The following NOP56 variants were observed in gnomAD, a reference collection of about 807,000 sequenced individuals.
The protein encoded by NOP56 is NOP56 ribonucleoprotein.
Under a neutral mutation model 58.3 loss-of-function variants are expected in NOP56, and 31 were observed. That is an observed-to-expected ratio of 0.53 (90% CI 0.40 to 0.72). NOP56 has a LOEUF of 0.72. NOP56 is among the 30% of genes least tolerant of loss of function. The probability of loss-of-function intolerance (pLI) is 0.00; values close to 1 mark genes in which losing one functional copy is unlikely to be tolerated. For synonymous variants in NOP56, 313 were observed against 282.8 expected (o/e 1.11, Z -1.07); for missense variants, 669 against 739.9 (o/e 0.90, Z 1.11).
chr20:2,657,019 C>T (rs776700928), intron 10 of NOP56, 62 bp from the exon 11 acceptor site: 1 of 1,613,966 alleles, frequency 6.2e-7, no homozygotes, highest in South Asian at 1.1e-5. Flanking sequence ...CCAATAAAGC[C>T]AGAAAGGAGT....
rs755839527 is a variant in NOP56 at position 2,656,153 on chromosome 20, G to A, written c.1010+119G>A. 1.7e-5 allele frequency: 27 copies of A among 1,609,576 alleles called. No individual in the cohort carries two copies. In the East Asian group the frequency reaches 5.6e-4, roughly 33 times the overall value. Reference sequence around the variant, plus strand: ...ACCTATACAGGCCTCTGCTATGGGGGTGATGGCCAGTCCTGGTGTCTGAGT... The same window carrying A: ...ACCTATACAGGCCTCTGCTATGGGGATGATGGCCAGTCCTGGTGTCTGAGT... On this transcript the variant is annotated intron_variant, in intron 8 of 11. Transcript: ENST00000329276.
Position 2,654,790 on chromosome 20 carries a change from G to T in NOP56, c.412G>T (p.Asp138Tyr). Reference protein sequence around the residue: ...HFHNLVKGLTDLSACKAQLGL... With the variant: ...HFHNLVKGLTYLSACKAQLGL... ...CCACAATCTGGTGAAGGGTCTGACC[G>T]ATCTGTCAGCTTGTAAAGCACAGCT... Residue 138 changes from aspartate (D) to tyrosine (Y), a missense_variant, in exon 5 of 12, where the codon GAT becomes TAT. Coordinates refer to ENST00000329276, the MANE Select transcript of NOP56 (RefSeq NM_006392.4). 6.2e-7 allele frequency: 1 copy of T among 1,614,142 alleles called. No individual in the cohort carries two copies. The highest frequency in any genetic ancestry group is 8.5e-7 in the Non-Finnish European group (1 of 1,180,040).
chr20:2,657,336 G>A (rs1336357749), intron 11 of NOP56, 118 bp downstream of exon 11: 3 of 1,409,386 alleles, frequency 2.1e-6, no homozygotes, highest in Non-Finnish European at 3.0e-6. Flanking sequence ...CTGAAACAAG[G>A]ACCTGAAACA....
chr20:2,654,844 AAAGTT>A lies in NOP56; in HGVS notation c.472_476del (p.Lys158Ter). ...GCTGGGACACAGCTATTCCCGTGCC[AAAGTT>A]AAGTTTAATGTGAACCGGGTGGACA... On this transcript the variant is annotated frameshift_variant, in exon 5 of 12. Transcript: ENST00000329276. LOFTEE classifies it high-confidence loss of function. The A allele has an allele frequency of 6.2e-7, 1 of 1,614,234 alleles. No homozygotes were observed. The highest frequency in any genetic ancestry group is 8.5e-7 in the Non-Finnish European group (1 of 1,180,036).
intron 1 of NOP56, 67 bp from the exon 2 acceptor site, chr20:2,652,775 G>A (rs369912936): frequency 3.8e-5 from 59 of 1,560,840 alleles, no homozygotes; most frequent in Non-Finnish European, 4.9e-5. Flanking sequence ...GCCTGCGCCT[G>A]CCCTGGGAAC....
chr20:2,655,827 A>G (rs774203988), intron 7 of NOP56, 81 bp downstream of exon 7: 22 of 1,610,704 alleles, frequency 1.4e-5, no homozygotes, highest in African/African-American at 4.0e-5. Context: ...GTGACCCACC[A>G]TGTCTTCCCT....
At position 2,654,402 on chromosome 20, in the gene NOP56, CT is replaced by C; in HGVS notation, c.209-9del. On this transcript the variant is annotated splice_polypyrimidine_tract_variant and intron_variant, in intron 3 of 11. Transcript: ENST00000329276. The stretch of plus-strand genomic sequence containing the variant: ...TCAGCCTGTTAGTGGGAACTGTGTT[CT>C]TTCCCCTGAGGGGTTGTTCATGAGG... The C allele has an allele frequency of 6.2e-7, 1 of 1,614,016 alleles. No individual in the cohort carries two copies. Among genetic ancestry groups the C allele is most frequent in the South Asian group, 1.1e-5 (1 of 91,070 alleles).
chr20:2,653,138 G>A (rs759550573), intron 2 of NOP56, 141 bp from the exon 3 acceptor site: 61 of 835,602 alleles, frequency 7.3e-5, no homozygotes, highest in Non-Finnish European at 1.1e-4. Flanking sequence ...CGCCGCCCCC[G>A]AACGATTAAA....
chr20:2,656,557 T>TGG lies in NOP56; in HGVS notation c.1159+14_1159+15dup. The TGG allele has an allele frequency of 6.5e-7, 1 of 1,548,012 alleles. No individual in the cohort carries two copies. Among genetic ancestry groups the TGG allele is most frequent in the Non-Finnish European group, 8.8e-7 (1 of 1,142,552 alleles). On this transcript the variant is annotated intron_variant, in intron 9 of 11. Coordinates refer to ENST00000329276, the MANE Select transcript of NOP56 (RefSeq NM_006392.4). ...GAATCGATTGCTTCTCTGGTATGGG[T>TGG]GGGGGGGCGTTGGCAGGTGTGAGAA...
chr20:2,653,169 C>T (rs545839268), intron 2 of NOP56, 110 bp from the exon 3 acceptor site: 3 of 920,046 alleles, frequency 3.3e-6, no homozygotes, highest in Non-Finnish European at 5.2e-6. Flanking sequence ...GGATGTGGGG[C>T]CCAGGTATCA....
chr20:2,658,136 A>G lies in NOP56; in HGVS notation c.1627A>G (p.Thr543Ala). Residue 543 changes from threonine to alanine, a missense_variant, in exon 12 of 12, where the codon ACA becomes GCA. This residue lies in a region of NOP56 where 209 missense variants were observed against 196.2 expected (regional missense o/e 1.07). Coordinates refer to ENST00000329276, the MANE Select transcript of NOP56 (RefSeq NM_006392.4). ...GAAGAAGTCTACACCCAAGGAGGAA[A>G]CAGTTAATGACCCTGAGGAGGCAGG... is the stretch of plus-strand genomic sequence containing the variant. ...KRKKSTPKEE[T>A]VNDPEEAGHR... 4.3e-6 allele frequency: 7 copies of G among 1,614,048 alleles called. No homozygotes were observed. Among genetic ancestry groups the G allele is most frequent in the Non-Finnish European group, 5.9e-6 (7 of 1,179,952 alleles).
intron 11 of NOP56, chr20:2,657,621 A>G: frequency 2.0e-6 from 1 of 508,130 alleles, no homozygotes; most frequent in Non-Finnish European, 3.5e-6. Context: ...TTCATTTAGC[A>G]CCCAGTTTCT....
rs369864280 is a variant in NOP56 at position 2,657,233 on chromosome 20, C to A, written c.1419+15C>A. The A allele has an allele frequency of 6.2e-7, 1 of 1,614,014 alleles. No homozygotes were observed. The highest frequency in any genetic ancestry group is 8.5e-7 in the Non-Finnish European group (1 of 1,179,950). ...AGGAGTGTGAGGTCAGTAGGCAGCA[C>A]GGCCCTGGCAGAGATCCTAGGTTGT... On this transcript the variant is annotated intron_variant, in intron 11 of 11. Transcript: ENST00000329276.
chr20:2,653,059 T>A, intron 2 of NOP56, 128 bp downstream of exon 2: 1 of 884,238 alleles, frequency 1.1e-6, no homozygotes, highest in Non-Finnish European at 1.7e-6. Context: ...TGGAAAGCTC[T>A]AGATCCGGGG....
rs767528572 is a variant in NOP56 at position 2,658,018 on chromosome 20, C to T, written c.1509C>T (p.Phe503=). The T allele has an allele frequency of 6.8e-6, 11 of 1,613,186 alleles. No individual in the cohort carries two copies. Among genetic ancestry groups the T allele is most frequent in the Non-Finnish European group, 4.2e-6 (5 of 1,179,324 alleles). ...ENGMEDPSIS[F]SKPKKKKSFS... Reference sequence around the variant, plus strand: ...GAATGGAAGACCCATCTATCTCTTTCTCCAAACCCAAGAAAAAGAAATCTT... The same window carrying T: ...GAATGGAAGACCCATCTATCTCTTTTTCCAAACCCAAGAAAAAGAAATCTT... The change falls in exon 12 of 12, where the codon TTC becomes TTT. Residue 503 remains phenylalanine, a synonymous_variant. Coordinates refer to ENST00000329276, the MANE Select transcript of NOP56 (RefSeq NM_006392.4).
At chr20:2,656,956 C>G in intron 10 of NOP56, 61 bp downstream of exon 10, 2 of 1,613,762 alleles carry the variant, frequency 1.2e-6, no homozygotes, top group East Asian at 2.2e-5. Flanking sequence ...GATGAACTGT[C>G]TGAGCCTGAC....
intron 3 of NOP56, among the ~76,000 whole-genome samples, chr20:2,653,974 G>C (rs1423833513): frequency 6.6e-6 from 1 of 152,144 alleles, no homozygotes. Flanking sequence ...GTTTCTTAAA[G>C]GGGGTCGGCT....
At chr20:2,653,603 C>T (rs1284909935) in intron 3 of NOP56, 5 of 552,722 alleles carry the variant, frequency 9.0e-6, no homozygotes, top group Non-Finnish European at 1.3e-5. Context: ...TTTAAGCAGA[C>T]GATGTGGAAT....
Position 2,655,621 on chromosome 20 carries a change from A to T in NOP56, c.784A>T (p.Ile262Leu), listed in dbSNP as rs746346520. The T allele has an allele frequency of 6.2e-7, 1 of 1,614,190 alleles. No homozygotes were observed. The highest frequency in any genetic ancestry group is 8.5e-7 in the Non-Finnish European group (1 of 1,180,032). The change falls in exon 7 of 12, where the codon ATA becomes TTA. Residue 262 changes from isoleucine (I) to leucine (L), a missense_variant. Coordinates refer to ENST00000329276, the MANE Select transcript of NOP56 (RefSeq NM_006392.4). ...CATGGACATATCTGCCATTGACTTG[A>T]TAAACATCGAGAGCTTCTCCAGTCG... ...MGMDISAIDL[I>L]NIESFSSRVV...
Sources: gnomAD v4.1 joint callset for allele counts (sites outside exome capture counted in the v4.1 genomes callset) on GRCh38, gnomAD v4.1.1 for gene constraint, gnomAD v4.1.1 regional missense constraint, MANE v1.5 for transcripts, NCBI Gene and HGNC (gene_info 2026-07-23, HGNC 2026-07-21) for gene names.